Variants in KCNIP4 observed in about 807,000 individuals in gnomAD.
The protein encoded by KCNIP4 is potassium voltage-gated channel interacting protein 4.
KCNIP4 carries 12 observed loss-of-function variants against 34.0 expected under a neutral mutation model. That is an observed-to-expected ratio of 0.35 (90% CI 0.23 to 0.57). KCNIP4 has a LOEUF of 0.57. KCNIP4 is among the 20% of genes least tolerant of loss of function. KCNIP4 has a pLI of 0.83. For synonymous variants in KCNIP4, 124 were observed against 102.2 expected (o/e 1.21, Z -1.29); for missense variants, 238 against 311.7 (o/e 0.76, Z 1.78).
intron 1 of KCNIP4, among the ~76,000 whole-genome samples, chr4:20,965,812 A>G (rs62293760): frequency 0.37 from 56,728 of 151,968 alleles, 10,753 homozygotes; most frequent in Admixed American, 0.46. Context: ...GCTATATGTT[A>G]GTTTTATTGT....
chr4:21,720,353 G>T (rs905276020), intron 1 of KCNIP4, among the ~76,000 whole-genome samples: 2 of 151,968 alleles, frequency 1.3e-5, no homozygotes, highest in African/African-American at 4.8e-5. Context: ...CCAAAGACAA[G>T]TGGAGCCTCA....
chr4:21,310,386 A>G (rs867697844), intron 1 of KCNIP4, among the ~76,000 whole-genome samples: 1 of 151,970 alleles, frequency 6.6e-6, no homozygotes, highest in Non-Finnish European at 1.5e-5. Flanking sequence ...GCCCATCTCA[A>G]ATCACTTGCC....
intron 1 of KCNIP4, among the ~76,000 whole-genome samples, chr4:21,075,314 G>C (rs182178319): frequency 0.023 from 3,544 of 152,198 alleles, 125 homozygotes; most frequent in African/African-American, 0.08. Context: ...TTATGAATCT[G>C]GGTGCTCTTG....
At chr4:21,151,643 G>A (rs568366658) in intron 1 of KCNIP4, among the ~76,000 whole-genome samples, 1 of 151,774 alleles carries the variant, frequency 6.6e-6, no homozygotes, top group Non-Finnish European at 1.5e-5. Context: ...TCTCCCAAAG[G>A]CCTCATCTAT....
rs78743007 is a variant in KCNIP4, at chr4:20,966,309, A to G, written c.62-83600T>C. On this transcript the variant is annotated intron_variant, in intron 1 of 8. Transcript: ENST00000382152. ...AGAATTTCTGTGACAGGCCATTAATAACTATGCATTTGCTGACGTATAAAG... is the reference window on the plus strand; with the variant it reads ...AGAATTTCTGTGACAGGCCATTAATGACTATGCATTTGCTGACGTATAAAG... Among the ~76,000 whole-genome samples the G allele has an allele frequency of 2.6e-3, 400 of 152,344 alleles. 10 individuals carry two copies. The highest frequency in any genetic ancestry group is 0.019 in the Admixed American group (288 of 15,296).
chr4:20,854,863 C>G (rs754517436), intron 2 of KCNIP4, among the ~76,000 whole-genome samples: 2 of 152,060 alleles, frequency 1.3e-5, no homozygotes, highest in Non-Finnish European at 2.9e-5. Context: ...TATAGAGAAG[C>G]TTTAAAATAT....
chr4:21,920,428 G>A (rs1409060596), intron 1 of KCNIP4, among the ~76,000 whole-genome samples: 1 of 152,076 alleles, frequency 6.6e-6, no homozygotes, highest in Non-Finnish European at 1.5e-5. Flanking sequence ...ATGAATTCAA[G>A]TATACAGAGT....
At chr4:21,820,455 T>C (rs1722290724) in intron 1 of KCNIP4, among the ~76,000 whole-genome samples, 3 of 151,720 alleles carry the variant, frequency 2.0e-5, no homozygotes, top group African/African-American at 4.8e-5. Flanking sequence ...ATAAGCCAAT[T>C]GGATGTATAC....
At chr4:21,153,515 GTATATATATA>G (rs59614946) in intron 1 of KCNIP4, among the ~76,000 whole-genome samples, 1,626 of 140,872 alleles carry the variant, frequency 0.012, 30 homozygotes, top group African/African-American at 0.038. Context: ...ATGTGTGTGT[GTATATATATA>G]TATATATATA....
intron 1 of KCNIP4, among the ~76,000 whole-genome samples, chr4:20,957,328 A>G (rs2149652673): frequency 6.6e-6 from 1 of 152,302 alleles, no homozygotes; most frequent in South Asian, 2.1e-4. Context: ...TGTTACAATT[A>G]GCAATGTGTG....
At chr4:21,039,857 C>A (rs1741795234) in intron 1 of KCNIP4, among the ~76,000 whole-genome samples, 1 of 152,126 alleles carries the variant, frequency 6.6e-6, no homozygotes, top group Non-Finnish European at 1.5e-5. Context: ...ACTCTATATT[C>A]ATCTGTTCTC....
intron 1 of KCNIP4, among the ~76,000 whole-genome samples, chr4:21,408,109 T>C (rs981200049): frequency 6.6e-6 from 1 of 152,208 alleles, no homozygotes; most frequent in Non-Finnish European, 1.5e-5. Flanking sequence ...AGACTTCCAA[T>C]ATTTTTGGTC....
At chr4:21,899,545 CTCCA>C (rs1727590591) in intron 1 of KCNIP4, among the ~76,000 whole-genome samples, 1 of 147,304 alleles carries the variant, frequency 6.8e-6, no homozygotes, top group Non-Finnish European at 1.5e-5. Context: ...ACCCTAAGGA[CTCCA>C]TCAAAAAAAA....
chr4:21,842,133 T>C (rs766929690), intron 1 of KCNIP4, among the ~76,000 whole-genome samples: 2 of 152,174 alleles, frequency 1.3e-5, no homozygotes, highest in Non-Finnish European at 2.9e-5. Flanking sequence ...TATTTGCTAA[T>C]TCATGCCCCA....
chr4:21,541,269 A>C (rs2108998751), intron 1 of KCNIP4, among the ~76,000 whole-genome samples: 1 of 152,126 alleles, frequency 6.6e-6, no homozygotes, highest in Non-Finnish European at 1.5e-5. Flanking sequence ...ATCAATATCA[A>C]CCTGAGTTGG....
At chr4:20,912,921 C>T (rs76343830) in intron 1 of KCNIP4, among the ~76,000 whole-genome samples, 108 of 152,280 alleles carry the variant, frequency 7.1e-4, no homozygotes, top group African/African-American at 2.5e-3. Context: ...ACTCTCATTA[C>T]TGCTGGTGAG....
intron 1 of KCNIP4, among the ~76,000 whole-genome samples, chr4:20,894,132 C>T (rs555312839): frequency 4.6e-5 from 7 of 152,266 alleles, no homozygotes; most frequent in South Asian, 2.1e-4. Context: ...CCGCACACCT[C>T]GGCCTCCCAA....
chr4:21,608,911 T>C (rs1743928755), intron 1 of KCNIP4: 1 of 152,188 alleles, frequency 6.6e-6, no homozygotes, highest in Non-Finnish European at 1.5e-5. Context: ...AATGCAGCAA[T>C]TGAAAACAAG....
At chr4:21,609,922 A>G (rs1744019992) in intron 1 of KCNIP4, among the ~76,000 whole-genome samples, 1 of 152,208 alleles carries the variant, frequency 6.6e-6, no homozygotes, top group African/African-American at 2.4e-5. Context: ...TACTATCTGA[A>G]TTGAAATATT....
Sources: gnomAD v4.1 joint callset for allele counts (sites outside exome capture counted in the v4.1 genomes callset) on GRCh38, gnomAD v4.1.1 for gene constraint, MANE v1.5 for transcripts, NCBI Gene and HGNC (gene_info 2026-07-23, HGNC 2026-07-21) for gene names.